Variants in CACNA1D observed in about 807,000 individuals in gnomAD.
The protein encoded by CACNA1D is voltage-dependent L-type calcium channel subunit alpha-1D.
A neutral mutation model predicts 257.1 loss-of-function variants in CACNA1D; 55 were observed. The ratio of observed to expected loss-of-function variants is 0.21; its 90% confidence interval spans 0.17 to 0.27. CACNA1D has a LOEUF of 0.27. CACNA1D is among the 10% of genes least tolerant of loss of function. CACNA1D has a pLI of 1.00. For missense variants in CACNA1D, 1,876 were observed against 2,784.0 expected (o/e 0.67, Z 7.34); for synonymous variants, 980 against 1,014.9 (o/e 0.97, Z 0.65).
At chr3:53,506,005 C>T (rs189553407) in intron 3 of CACNA1D, among the ~76,000 whole-genome samples, 5 of 152,276 alleles carry the variant, frequency 3.3e-5, no homozygotes, top group African/African-American at 7.2e-5. Flanking sequence ...TCACGTAGTT[C>T]GGCATCTCAT....
chr3:53,501,678 C>A lies in CACNA1D; in HGVS notation c.441C>A (p.Ile147=). The A allele has an allele frequency of 1.9e-6, 3 of 1,601,728 alleles. No homozygotes were observed. Among genetic ancestry groups the A allele is most frequent in the Non-Finnish European group, 2.6e-6 (3 of 1,169,154 alleles). Reference sequence around the variant, plus strand: ...ATTGTGTGGCCTTAGCTATTTACATCCCATTCCCTGAAGATGATTCTAATT... The same window carrying A: ...ATTGTGTGGCCTTAGCTATTTACATACCATTCCCTGAAGATGATTCTAATT... The part of the protein sequence containing the change: ...FANCVALAIY[I]PFPEDDSNST... The change falls in exon 3 of 48, where the codon ATC becomes ATA. Residue 147 remains isoleucine (I), a synonymous_variant. Coordinates refer to ENST00000350061, the MANE Select transcript of CACNA1D (RefSeq NM_001128840.3).
intron 3 of CACNA1D, among the ~76,000 whole-genome samples, chr3:53,515,360 A>C (rs1007440062): frequency 3.3e-5 from 5 of 152,126 alleles, no homozygotes; most frequent in African/African-American, 1.2e-4. Context: ...TTCTGGCCCG[A>C]TGGTCGTGCA....
chr3:53,499,260 C>T (rs1049620699), intron 2 of CACNA1D, among the ~76,000 whole-genome samples: 5 of 152,112 alleles, frequency 3.3e-5, no homozygotes, highest in Admixed American at 1.3e-4. Context: ...AGGGAGAAGC[C>T]TGTTTACAAA....
In CACNA1D at chr3:53,495,201, A is replaced by T; in HGVS notation, c.35A>T (p.His12Leu). Residue 12 changes from histidine to leucine, a missense_variant, in exon 1 of 48, where the codon CAT becomes CTT. Coordinates refer to ENST00000350061, the MANE Select transcript of CACNA1D (RefSeq NM_001128840.3). The surrounding 1 kb of genome is among the most constrained non-coding windows in gnomAD (Gnocchi z 5.1). ...ATGATGATGATGAAAAAAATGCAGC[A>T]TCAACGGCAGCAGCAAGCGGACCAC... ...MMMMMMKKMQ[H>L]QRQQQADHAN... The T allele has an allele frequency of 1.2e-6, 2 of 1,613,730 alleles. No individual in the cohort carries two copies. The highest frequency in any genetic ancestry group is 1.7e-6 in the Non-Finnish European group (2 of 1,179,972).
Position 53,660,139 on chromosome 3 carries a change from T to C in CACNA1D, c.630T>C (p.Phe210=), listed in dbSNP as rs2108326823. The change falls in exon 5 of 48, where the codon TTT becomes TTC. Residue 210 remains phenylalanine (F), a synonymous_variant. Transcript: ENST00000350061. ...LDFVIVIVGL[F]SVILEQLTKE... ...TCTCTTTCTCTTCTTTCAGATTGTT[T>C]AGTGTAATTTTGGAACAATTAACCA... The C allele has an allele frequency of 1.2e-6, 2 of 1,613,840 alleles. No homozygotes were observed. Among genetic ancestry groups the C allele is most frequent in the Non-Finnish European group, 1.7e-6 (2 of 1,179,684 alleles).
At chr3:53,510,281 A>T (rs1327500409) in intron 3 of CACNA1D, among the ~76,000 whole-genome samples, 1 of 152,236 alleles carries the variant, frequency 6.6e-6, no homozygotes, top group Non-Finnish European at 1.5e-5. Flanking sequence ...ATTTTGAAAC[A>T]TAAATACAGT....
chr3:53,745,548 A>G lies in CACNA1D; in HGVS notation c.3007-76A>G. Reference sequence around the variant, plus strand: ...GAGCCACTGTGCCTGGCCAACACAGAAACTGTCGGCTGATGTTAGCTCACC... The same window carrying G: ...GAGCCACTGTGCCTGGCCAACACAGGAACTGTCGGCTGATGTTAGCTCACC... On this transcript the variant is annotated intron_variant, in intron 23 of 47. Coordinates refer to ENST00000350061, the MANE Select transcript of CACNA1D (RefSeq NM_001128840.3). The G allele has an allele frequency of 3.3e-6, 3 of 916,578 alleles. No homozygotes were observed. The South Asian group carries it at 4.0e-5, about 12-fold the overall frequency. The allele number at this position is 916,578 out of a possible 1,614,324, so 56.8% of individuals were successfully genotyped here.
intron 3 of CACNA1D, among the ~76,000 whole-genome samples, chr3:53,507,106 G>T (rs1008916098): frequency 6.7e-6 from 1 of 150,072 alleles, no homozygotes; most frequent in Non-Finnish European, 1.5e-5. Context: ...AAAAAATGTG[G>T]TAGAAGGGGA....
intron 47 of CACNA1D, among the ~76,000 whole-genome samples, 161 bp from the exon 48 acceptor site, chr3:53,810,952 T>C (rs2106918836): frequency 6.6e-6 from 1 of 152,250 alleles, no homozygotes; most frequent in African/African-American, 2.4e-5. Flanking sequence ...CAAAGCCATT[T>C]ACACTAGTTA....
At chr3:53,601,976 G>C (rs976434950) in intron 3 of CACNA1D, among the ~76,000 whole-genome samples, 1 of 152,178 alleles carries the variant, frequency 6.6e-6, no homozygotes, top group Non-Finnish European at 1.5e-5. Flanking sequence ...CTCCCAAAGT[G>C]CTGGGATTAC....
chr3:53,597,009 G>A (rs961472907), intron 3 of CACNA1D, among the ~76,000 whole-genome samples: 1 of 152,112 alleles, frequency 6.6e-6, no homozygotes, highest in African/African-American at 2.4e-5. Context: ...AGAGAAAATC[G>A]ACCTGAAAAT....
chr3:53,692,659 C>T (rs981074959), intron 8 of CACNA1D, among the ~76,000 whole-genome samples: 6 of 152,162 alleles, frequency 3.9e-5, no homozygotes, highest in South Asian at 2.1e-4. Context: ...GATAACTCAA[C>T]CTAGTCATTA....
intron 3 of CACNA1D, among the ~76,000 whole-genome samples, chr3:53,554,747 C>T (rs991335477): frequency 6.6e-6 from 1 of 152,194 alleles, no homozygotes; most frequent in Non-Finnish European, 1.5e-5. Context: ...CCATTTGTAA[C>T]CACCCAGGGA....
rs1455877223 is a variant in CACNA1D at position 53,786,997 on chromosome 3, T to C, written c.4923+45T>C. On this transcript the variant is annotated intron_variant, in intron 40 of 47. Coordinates refer to ENST00000350061, the MANE Select transcript of CACNA1D (RefSeq NM_001128840.3). ...TGTTTTCTCTTTTGACTAACGATTT[T>C]ACAAGCTTATTTGAAATACTAGAGA... is the stretch of plus-strand genomic sequence containing the variant. 2.5e-6 allele frequency: 4 copies of C among 1,605,622 alleles called. No individual in the cohort carries two copies. In the East Asian group the frequency reaches 6.7e-5, roughly 27 times the overall value.
intron 8 of CACNA1D, among the ~76,000 whole-genome samples, chr3:53,694,918 G>A (rs903179186): frequency 6.6e-6 from 1 of 152,152 alleles, no homozygotes; most frequent in African/African-American, 2.4e-5. Context: ...TTTCAGAGAC[G>A]ATTTTGGCTT....
rs1255448266 is a variant in CACNA1D, at chr3:53,603,617, G to GA, written c.484-47156dup. 8.5e-5 allele frequency among the ~76,000 whole-genome samples: 13 copies of GA among 152,252 alleles called. No individual in the cohort carries two copies. In the South Asian group the frequency reaches 1.2e-3, roughly 15 times the overall value. On this transcript the variant is annotated intron_variant, in intron 3 of 47. Coordinates refer to ENST00000350061, the MANE Select transcript of CACNA1D (RefSeq NM_001128840.3). ...CTCAGTACTCTTAGCGACAGAGGGA[G>GA]AAAAAATGGAATATTGTGTTGGAAG...
At chr3:53,674,039 T>C (rs1576311290) in intron 8 of CACNA1D, 2 of 617,024 alleles carry the variant, frequency 3.2e-6, no homozygotes, top group South Asian at 3.8e-5. Flanking sequence ...ATGAAAACGT[T>C]CCCCCAAAGC....
At position 53,494,616 on chromosome 3, in the gene CACNA1D, C is replaced by G. The variant is rs2090268770; in HGVS notation, c.-551C>G. ...GCGCGCAGCGTCGCCAGGGCGAAGC[C>G]GGCGTGCGGCGCGGCGCGGCGGGCG... On this transcript the variant is annotated 5_prime_UTR_variant, in exon 1 of 48. Coordinates refer to ENST00000350061, the MANE Select transcript of CACNA1D (RefSeq NM_001128840.3). The G allele has an allele frequency of 6.9e-6, 1 of 145,740 alleles. No individual in the cohort carries two copies. Among genetic ancestry groups the G allele is most frequent in the African/African-American group, 2.5e-5 (1 of 40,552 alleles). The allele number at this position is 145,740 out of a possible 1,614,324, so 9.0% of individuals were successfully genotyped here.
At chr3:53,624,020 C>A (rs2093728967) in intron 3 of CACNA1D, among the ~76,000 whole-genome samples, 1 of 152,202 alleles carries the variant, frequency 6.6e-6, no homozygotes, top group South Asian at 2.1e-4. Context: ...TCATCTTCTT[C>A]CTTCTGATGA....
Sources: allele counts gnomAD v4.1 joint callset (sites outside exome capture counted in the v4.1 genomes callset), GRCh38; gene constraint gnomAD v4.1.1; non-coding constraint Gnocchi (gnomAD v3.1); transcripts MANE v1.5; gene names NCBI Gene and HGNC (gene_info 2026-07-23, HGNC 2026-07-21).